Variants in DYNC2H1 observed in about 807,000 individuals in gnomAD.
DYNC2H1 encodes the protein cytoplasmic dynein 2 heavy chain 1.
A neutral mutation model predicts 570.0 loss-of-function variants in DYNC2H1; 410 were observed. The observed-to-expected ratio is 0.72, with a 90% confidence interval of 0.66 to 0.78. The LOEUF (loss-of-function observed/expected upper bound fraction) is 0.78. Ranked by LOEUF, DYNC2H1 falls within the 30% of genes least tolerant of loss-of-function variation. The probability of loss-of-function intolerance (pLI) is 0.00; values close to 1 mark genes in which losing one functional copy is unlikely to be tolerated. For missense variants in DYNC2H1, 4,865 were observed against 5,046.4 expected (o/e 0.96, Z 1.09); for synonymous variants, 1,688 against 1,677.6 (o/e 1.01, Z -0.15).
At chr11:103,351,440 C>T (rs942028003) in intron 82 of DYNC2H1, among the ~76,000 whole-genome samples, 4 of 152,158 alleles carry the variant, frequency 2.6e-5, no homozygotes, top group South Asian at 2.1e-4. Flanking sequence ...AAGAACATTA[C>T]ATTGCAAAGG....
chr11:103,228,987 A>C lies in DYNC2H1; in HGVS notation c.9354-2273A>C, dbSNP rs933423883. ...AGGGGGATTATGGCTACCTCTGCTGAGTCATGCAGGTCACCCAGGGTAGTG... is the reference window on the plus strand; with the variant it reads ...AGGGGGATTATGGCTACCTCTGCTGCGTCATGCAGGTCACCCAGGGTAGTG... On this transcript the variant is annotated intron_variant, in intron 59 of 88. Transcript: ENST00000375735. The surrounding 1 kb of genome is among the most constrained non-coding windows in gnomAD (Gnocchi z 6.1). Among the ~76,000 whole-genome samples the C allele has an allele frequency of 1.6e-4, 25 of 151,998 alleles. No homozygotes were observed. Among genetic ancestry groups the C allele is most frequent in the African/African-American group, 5.6e-4 (23 of 41,390 alleles).
Position 103,283,133 on chromosome 11 carries a change from C to T in DYNC2H1, c.10890+48C>T, listed in dbSNP as rs772072382. 11 of 1,461,508 alleles carry T rather than the reference C, an allele frequency of 7.5e-6. No individual in the cohort carries two copies. The African/African-American group carries it at 1.5e-4, about 20-fold the overall frequency. 90.5% of individuals were successfully genotyped at this position (1,461,508 alleles called of 1,614,324 possible). A position where few individuals can be genotyped will look rare whatever the true frequency, so the allele number is the denominator to read the frequency against. On this transcript the variant is annotated intron_variant, in intron 73 of 88. Coordinates refer to ENST00000375735, the MANE Select transcript of DYNC2H1 (RefSeq NM_001377.3). ...CATGTTTTAATTTCTTCTGTATTTG[C>T]ATTGTTTCTGTTGATACTTTGTGCT...
chr11:103,130,187 G>A (rs1004537132), intron 13 of DYNC2H1, among the ~76,000 whole-genome samples: 1 of 152,146 alleles, frequency 6.6e-6, no homozygotes, highest in Non-Finnish European at 1.5e-5. Context: ...GGATGGCCAC[G>A]TAGACACTTT....
rs1940739568 is a variant in DYNC2H1 at position 103,363,087 on chromosome 11, A to G, written c.12156+4728A>G. On this transcript the variant is annotated intron_variant, in intron 83 of 88. Coordinates refer to ENST00000375735, the MANE Select transcript of DYNC2H1 (RefSeq NM_001377.3). The surrounding 1 kb of genome is among the most constrained non-coding windows in gnomAD (Gnocchi z 5.6). The stretch of plus-strand genomic sequence containing the variant: ...AATATAACAGGCATTTCATTTAAGT[A>G]TACTGACAGCTGGTCTAGGTTTAGC... Among the ~76,000 whole-genome samples the G allele has an allele frequency of 6.6e-6, 1 of 152,056 alleles. No individual in the cohort carries two copies. The highest frequency in any genetic ancestry group is 2.4e-5 in the African/African-American group (1 of 41,428).
intron 84 of DYNC2H1, among the ~76,000 whole-genome samples, chr11:103,419,237 T>A (rs980989938): frequency 6.6e-6 from 1 of 152,158 alleles, no homozygotes; most frequent in African/African-American, 2.4e-5. Context: ...ACAGTCCAGA[T>A]GAGGAAGGGT....
In DYNC2H1 at chr11:103,255,926, G is replaced by C. The variant is rs1865038947; in HGVS notation, c.10327-180G>C. Among the ~76,000 whole-genome samples the C allele has an allele frequency of 2.0e-5, 3 of 151,890 alleles. No homozygotes were observed. The South Asian group carries it at 6.2e-4, about 32-fold the overall frequency. ...CTTAAAATAATTTATGAATTCATTT[G>C]ATATAAGAAGACTATAATAAAAACA... is the stretch of plus-strand genomic sequence containing the variant. On this transcript the variant is annotated intron_variant, in intron 67 of 88. Transcript: ENST00000375735.
At chr11:103,210,015 GT>G in intron 53 of DYNC2H1, 55 bp downstream of exon 53, 1 of 1,378,638 alleles carries the variant, frequency 7.3e-7, no homozygotes, top group South Asian at 1.5e-5. Flanking sequence ...AATAATTGCC[GT>G]TTTTAATGCT....
At chr11:103,233,293 GTT>G (rs10600715) in intron 60 of DYNC2H1, among the ~76,000 whole-genome samples, 134,195 of 148,912 alleles carry the variant, frequency 0.9, 60,458 homozygotes, top group Admixed American at 0.92. Context: ...TTAAATGCTG[GTT>G]TTTTTTTTTT....
At chr11:103,221,132 A>T (rs1249824655) in intron 57 of DYNC2H1, among the ~76,000 whole-genome samples, 1 of 152,156 alleles carries the variant, frequency 6.6e-6, no homozygotes. Context: ...TATCCTTAAG[A>T]GTCTTGTACT....
intron 78 of DYNC2H1, among the ~76,000 whole-genome samples, chr11:103,311,588 G>GGA (rs564286001): frequency 2.7e-5 from 4 of 149,652 alleles, no homozygotes; most frequent in African/African-American, 7.4e-5. Flanking sequence ...GTGTCAGTGG[G>GGA]AAAAAAAAAA....
rs1471833714 is a variant in DYNC2H1, at chr11:103,363,366, A to AG, written c.12156+5008dup. The stretch of plus-strand genomic sequence containing the variant: ...AAGTGAGCTGGAGAGGAGATCTACT[A>AG]GTGTGTTATTTCAACTGAGAGAGAA... On this transcript the variant is annotated intron_variant, in intron 83 of 88. Transcript: ENST00000375735. The surrounding 1 kb of genome is among the most constrained non-coding windows in gnomAD (Gnocchi z 5.6). 4.6e-5 allele frequency among the ~76,000 whole-genome samples: 7 copies of AG among 152,140 alleles called. No individual in the cohort carries two copies. Among genetic ancestry groups the AG allele is most frequent in the African/African-American group, 1.7e-4 (7 of 41,420 alleles).
intron 84 of DYNC2H1, among the ~76,000 whole-genome samples, chr11:103,428,131 T>C (rs1943738703): frequency 6.6e-6 from 1 of 150,774 alleles, no homozygotes; most frequent in African/African-American, 2.4e-5. Context: ...AATGGAACTC[T>C]GGGACAACAG....
intron 70 of DYNC2H1, among the ~76,000 whole-genome samples, chr11:103,262,911 TAG>T (rs1865359765): frequency 6.8e-6 from 1 of 148,048 alleles, no homozygotes; most frequent in Non-Finnish European, 1.5e-5. Flanking sequence ...GCAAATAGGA[TAG>T]AGTCAACACC....
In DYNC2H1 at chr11:103,129,128, A is replaced by T. The variant is rs140964819; in HGVS notation, c.1953+123A>T. 1.4e-6 allele frequency: 1 copy of T among 719,750 alleles called. No individual in the cohort carries two copies. The highest frequency in any genetic ancestry group is 2.2e-6 in the Non-Finnish European group (1 of 455,852). The allele number at this position is 719,750 out of a possible 1,614,324, so 44.6% of individuals were successfully genotyped here. On this transcript the variant is annotated intron_variant, in intron 13 of 88. Coordinates refer to ENST00000375735, the MANE Select transcript of DYNC2H1 (RefSeq NM_001377.3). The surrounding 1 kb of genome is among the most constrained non-coding windows in gnomAD (Gnocchi z 4.1). ...TCTAGATTTTGTTTTGCTTCCAGGG[A>T]CTTCCTTCAATCTTAGCAAGTAAAA...
chr11:103,455,118 A>G (rs764009679), intron 85 of DYNC2H1, 68 bp from the exon 86 acceptor site: 38 of 1,134,338 alleles, frequency 3.3e-5, no homozygotes, highest in African/African-American at 6.2e-5. Context: ...CTTATTGAAA[A>G]TGACTTAAGT....
intron 85 of DYNC2H1, among the ~76,000 whole-genome samples, chr11:103,444,932 A>C (rs1944376713): frequency 6.6e-6 from 1 of 152,196 alleles, no homozygotes; most frequent in Admixed American, 6.5e-5. Context: ...GTCTGAGTAC[A>C]TGGGAGGTCA....
chr11:103,219,679 A>G (rs1863513932), intron 55 of DYNC2H1, among the ~76,000 whole-genome samples: 1 of 152,188 alleles, frequency 6.6e-6, no homozygotes, highest in South Asian at 2.1e-4. Context: ...AAAAGCATTT[A>G]TTGCTTTGCT....
Position 103,191,232 on chromosome 11 carries a change from G to A in DYNC2H1, c.7438-285G>A, listed in dbSNP as rs117703054. On this transcript the variant is annotated intron_variant, in intron 45 of 88. Transcript: ENST00000375735. Reference sequence around the variant, plus strand: ...TTTTTATATTTTTTTTAGAGACGGGGTTTTGCCATATTGGCCAGGCTGGTC... The same window carrying A: ...TTTTTATATTTTTTTTAGAGACGGGATTTTGCCATATTGGCCAGGCTGGTC... Among the ~76,000 whole-genome samples the A allele has an allele frequency of 0.031, 4,638 of 151,584 alleles. 102 individuals are homozygous for A. Among genetic ancestry groups the A allele is most frequent in the Non-Finnish European group, 0.043 (2,916 of 67,874 alleles).
intron 18 of DYNC2H1, among the ~76,000 whole-genome samples, chr11:103,144,106 G>T (rs558378888): frequency 6.6e-6 from 1 of 152,196 alleles, no homozygotes; most frequent in Non-Finnish European, 1.5e-5. Context: ...TTATTCTCTG[G>T]TAGTGCAATA....
Sources: gnomAD v4.1 joint callset for allele counts (sites outside exome capture counted in the v4.1 genomes callset) on GRCh38, gnomAD v4.1.1 for gene constraint, Gnocchi (gnomAD v3.1) non-coding constraint, MANE v1.5 for transcripts, NCBI Gene and HGNC (gene_info 2026-07-23, HGNC 2026-07-21) for gene names.